Variants in MAML3 observed in about 807,000 individuals in gnomAD.
MAML3 encodes the protein mastermind like transcriptional coactivator 3.
In MAML3, 27 loss-of-function variants were observed where a neutral mutation model predicts 101.9. That is an observed-to-expected ratio of 0.27 (90% CI 0.20 to 0.37). The LOEUF is 0.37. MAML3 is among the 10% of genes least tolerant of loss of function. MAML3 has a pLI of 1.00. For missense variants in MAML3, 1,316 were observed against 1,444.9 expected (o/e 0.91, Z 1.45); for synonymous variants, 501 against 555.9 (o/e 0.90, Z 1.39).
At chr4:140,125,376 TGGAA>T (rs369663319) in intron 1 of MAML3, among the ~76,000 whole-genome samples, 1 of 152,158 alleles carries the variant, frequency 6.6e-6, no homozygotes, top group African/African-American at 2.4e-5. Flanking sequence ...GAGGCCAGCC[TGGAA>T]GCACAGCAAG....
At chr4:139,777,252 C>T (rs909730292) in intron 2 of MAML3, among the ~76,000 whole-genome samples, 1 of 152,168 alleles carries the variant, frequency 6.6e-6, no homozygotes, top group Admixed American at 6.5e-5. Context: ...AATAGAATTT[C>T]CGGTTCTTTG....
At chr4:139,747,593 C>T (rs1182978963) in intron 2 of MAML3, among the ~76,000 whole-genome samples, 4 of 151,986 alleles carry the variant, frequency 2.6e-5, no homozygotes, top group Non-Finnish European at 5.9e-5. Flanking sequence ...ACTTGGGAGG[C>T]TGAGGCAGGA....
intron 1 of MAML3, among the ~76,000 whole-genome samples, chr4:139,944,394 T>C (rs982351290): frequency 3.9e-5 from 6 of 152,068 alleles, no homozygotes; most frequent in Non-Finnish European, 5.9e-5. Context: ...GTGATCTCAT[T>C]GTTCAATTCC....
At position 139,889,770 on chromosome 4, in the gene MAML3, GAGGCACTAT is replaced by G. The variant is rs753147214; in HGVS notation, c.1657_1665del (p.Ile553_Pro555del). The G allele has an allele frequency of 1.5e-5, 25 of 1,613,926 alleles. No individual in the cohort carries two copies. The highest frequency in any genetic ancestry group is 2.1e-5 in the Non-Finnish European group (25 of 1,179,900). ...GTCTTCTGCAGGTTGTTTGCCATTG[GAGGCACTAT>G]AGGGTTTTGGTTGTTAAAGGCTTGG... is the stretch of plus-strand genomic sequence containing the variant. On this transcript the variant is annotated inframe_deletion, in exon 2 of 5. Transcript: ENST00000509479.
chr4:139,883,039 A>C (rs1039703308), intron 2 of MAML3, among the ~76,000 whole-genome samples: 5 of 152,180 alleles, frequency 3.3e-5, no homozygotes, highest in African/African-American at 1.2e-4. Flanking sequence ...TTCAAGAAAG[A>C]GGTGGGATCG....
At chr4:140,074,552 C>T (rs541620817) in intron 1 of MAML3, among the ~76,000 whole-genome samples, 4 of 152,158 alleles carry the variant, frequency 2.6e-5, no homozygotes, top group Admixed American at 1.3e-4. Flanking sequence ...CATGACAGGT[C>T]GCAGTCAAAA....
chr4:140,105,019 T>TA (rs898269909), intron 1 of MAML3, among the ~76,000 whole-genome samples: 4 of 152,126 alleles, frequency 2.6e-5, no homozygotes, highest in African/African-American at 9.7e-5. Context: ...AGTGTTTATG[T>TA]AAGCAGTAAA....
At chr4:140,108,324 T>C (rs1481765774) in intron 1 of MAML3, among the ~76,000 whole-genome samples, 11 of 151,968 alleles carry the variant, frequency 7.2e-5, no homozygotes, top group African/African-American at 2.4e-4. Flanking sequence ...TGCTCCCCAG[T>C]ACATGTCTAT....
intron 1 of MAML3, among the ~76,000 whole-genome samples, chr4:140,085,987 T>A (rs576085701): frequency 1.1e-4 from 16 of 152,354 alleles, no homozygotes; most frequent in African/African-American, 3.8e-4. Context: ...TTTACTTTAG[T>A]GAAGAAAATT....
chr4:140,004,557 G>A (rs538430685), intron 1 of MAML3, among the ~76,000 whole-genome samples: 238 of 152,264 alleles, frequency 1.6e-3, no homozygotes, highest in African/African-American at 5.3e-3. Flanking sequence ...GCAGGGGAGA[G>A]TAGTGAGGAG....
intron 1 of MAML3, among the ~76,000 whole-genome samples, chr4:139,999,760 C>A (rs1734886062): frequency 6.6e-6 from 1 of 152,116 alleles, no homozygotes; most frequent in Non-Finnish European, 1.5e-5. Context: ...TGCTTAAGAA[C>A]CAACTCGAAA....
rs9998070 is a variant in MAML3 at position 139,814,031 on chromosome 4, C to A, written c.2079+75326G>T. On this transcript the variant is annotated intron_variant, in intron 2 of 4. Coordinates refer to ENST00000509479, the MANE Select transcript of MAML3 (RefSeq NM_018717.5). ...GCTACAGTACACAAACACAAACACA[C>A]ACACACACACACACACACACACACA... 6.0e-3 allele frequency among the ~76,000 whole-genome samples: 879 copies of A among 146,006 alleles called. 9 individuals are homozygous for A. The highest frequency in any genetic ancestry group is 0.023 in the African/African-American group (825 of 36,300).
chr4:139,973,963 A>C (rs1734273824), intron 1 of MAML3, among the ~76,000 whole-genome samples: 1 of 152,216 alleles, frequency 6.6e-6, no homozygotes, highest in African/African-American at 2.4e-5. Context: ...CTAAAATTCA[A>C]GCCAAATTAC....
intron 1 of MAML3, among the ~76,000 whole-genome samples, chr4:140,036,728 T>G (rs1017950314): frequency 2.0e-5 from 3 of 152,218 alleles, no homozygotes; most frequent in Admixed American, 1.3e-4. Context: ...TGTCCCTCTA[T>G]TTAACAGTCA....
At chr4:139,940,167 G>A (rs1341047442) in intron 1 of MAML3, among the ~76,000 whole-genome samples, 2 of 152,110 alleles carry the variant, frequency 1.3e-5, no homozygotes, top group Non-Finnish European at 2.9e-5. Flanking sequence ...GTTTCAAATT[G>A]TTTTTTAGGT....
At chr4:139,975,199 G>A (rs10776534) in intron 1 of MAML3, among the ~76,000 whole-genome samples, 148,630 of 152,158 alleles carry the variant, frequency 0.98, 72,706 homozygotes, top group Middle Eastern at 1. Flanking sequence ...ATCAACTGTC[G>A]CCTTATGTCC....
chr4:139,926,164 C>G (rs563367075), intron 1 of MAML3, among the ~76,000 whole-genome samples: 11 of 152,104 alleles, frequency 7.2e-5, no homozygotes, highest in Non-Finnish European at 1.0e-4. Flanking sequence ...TTTGCTCACG[C>G]TGTCAGACCC....
chr4:139,899,758 T>G (rs1325863123), intron 1 of MAML3, among the ~76,000 whole-genome samples: 28 of 152,218 alleles, frequency 1.8e-4, no homozygotes, highest in Admixed American at 1.8e-3. Context: ...TTACTCTCTA[T>G]GAGTAAATGA....
chr4:140,074,199 G>GAGAGAGAAAGAA (rs1553973033), intron 1 of MAML3, among the ~76,000 whole-genome samples: 6 of 82,042 alleles, frequency 7.3e-5, no homozygotes, highest in African/African-American at 2.6e-4. Flanking sequence ...GAGAAAGAAA[G>GAGAGAGAAAGAA]AGAAAGAAAG....
Sources: allele counts gnomAD v4.1 joint callset (sites outside exome capture counted in the v4.1 genomes callset), GRCh38; gene constraint gnomAD v4.1.1; transcripts MANE v1.5; gene names NCBI Gene and HGNC (gene_info 2026-07-23, HGNC 2026-07-21).